The following PCDHA2 variants were observed in gnomAD, a reference collection of about 807,000 sequenced individuals.
The protein encoded by PCDHA2 is protocadherin alpha 2.
PCDHA2 carries 58 observed loss-of-function variants against 66.0 expected under a neutral mutation model. The ratio of observed to expected loss-of-function variants is 0.88; its 90% confidence interval spans 0.71 to 1.09. PCDHA2 has a LOEUF of 1.09. Ranked by LOEUF, PCDHA2 falls within the 50% of genes least tolerant of loss-of-function variation. The pLI, the probability that PCDHA2 is intolerant of heterozygous loss-of-function variation, is 0.00. For missense variants in PCDHA2, 1,267 were observed against 1,242.3 expected (o/e 1.02, Z -0.30); for synonymous variants, 634 against 554.0 (o/e 1.14, Z -2.03).
intron 1 of PCDHA2, chr5:140,803,122 C>A (rs1554122584): frequency 6.2e-7 from 1 of 1,613,804 alleles, no homozygotes; most frequent in Admixed American, 1.7e-5. Flanking sequence ...GAGGTGGACG[C>A]CCCGCGCCAT....
At chr5:140,966,488 C>A (rs1161799910) in intron 1 of PCDHA2, 8 of 440,132 alleles carry the variant, frequency 1.8e-5, no homozygotes, top group Admixed American at 8.7e-5. Flanking sequence ...TTTCCCTCCC[C>A]CTGGAGCTGT....
intron 1 of PCDHA2, among the ~76,000 whole-genome samples, chr5:140,950,286 C>G (rs2094469059): frequency 6.6e-6 from 1 of 151,924 alleles, no homozygotes; most frequent in Non-Finnish European, 1.5e-5. Flanking sequence ...TTGCTTCAAC[C>G]TGAAAAACTT....
At chr5:141,004,698 T>C (rs2098177351) in intron 3 of PCDHA2, among the ~76,000 whole-genome samples, 1 of 152,222 alleles carries the variant, frequency 6.6e-6, no homozygotes, top group East Asian at 1.9e-4. Context: ...AACCCAGTTT[T>C]AGGTGCCGAA....
intron 1 of PCDHA2, chr5:140,812,597 G>A (rs145623750): frequency 2.9e-4 from 44 of 151,406 alleles, no homozygotes; most frequent in African/African-American, 1.0e-3. Flanking sequence ...TTCATTTTTA[G>A]TGTAGGCATT....
intron 1 of PCDHA2, chr5:140,870,894 T>C (rs2052511877): frequency 1.2e-6 from 2 of 1,613,938 alleles, no homozygotes; most frequent in East Asian, 2.2e-5. Flanking sequence ...GCGCAGTGGA[T>C]GCGGACTCAG....
At chr5:140,989,619 TC>T (rs2097351060) in intron 3 of PCDHA2, among the ~76,000 whole-genome samples, 1 of 152,196 alleles carries the variant, frequency 6.6e-6, no homozygotes. Flanking sequence ...TGAAAGTCTG[TC>T]CTAGTGACAG....
chr5:140,889,067 C>T (rs1169049844), intron 1 of PCDHA2, among the ~76,000 whole-genome samples: 1 of 151,942 alleles, frequency 6.6e-6, no homozygotes, highest in Admixed American at 6.6e-5. Flanking sequence ...TAATATACTA[C>T]TTATTTTGTT....
chr5:140,999,125 G>A (rs1554256627), intron 3 of PCDHA2, among the ~76,000 whole-genome samples: 1 of 152,152 alleles, frequency 6.6e-6, no homozygotes, highest in Non-Finnish European at 1.5e-5. Context: ...TTCTAAGCTG[G>A]AAAATGTCAC....
rs1417352469 is a variant in PCDHA2 at position 140,875,131 on chromosome 5, G to A, written c.2388+77779G>A. ...AATATCATGTATATTAACTAAACCC[G>A]CATTTATAAATGATCCGTGAAAAAT... On this transcript the variant is annotated intron_variant, in intron 1 of 3. Coordinates refer to ENST00000526136, the MANE Select transcript of PCDHA2 (RefSeq NM_018905.3). Among the ~76,000 whole-genome samples, 5 of 152,228 alleles carry A rather than the reference G, an allele frequency of 3.3e-5. No individual in the cohort carries two copies. The East Asian group carries it at 9.6e-4, about 29-fold the overall frequency.
chr5:140,868,889 C>A, intron 1 of PCDHA2: 1 of 744,508 alleles, frequency 1.3e-6, no homozygotes, highest in Non-Finnish European at 2.1e-6. Flanking sequence ...CAGTTTTAGG[C>A]GCAAGGTGTC....
In PCDHA2 at chr5:140,867,382, C is replaced by T. The variant is rs1201158672; in HGVS notation, c.2388+70030C>T. ...TTTTACAGATGCGTAATGGAATTAA[C>T]GGTTATAAAAGTTGATATGTCTCCT... On this transcript the variant is annotated intron_variant, in intron 1 of 3. Coordinates refer to ENST00000526136, the MANE Select transcript of PCDHA2 (RefSeq NM_018905.3). The T allele has an allele frequency of 4.6e-5, 7 of 152,006 alleles. No individual in the cohort carries two copies. In the East Asian group the frequency reaches 7.7e-4, roughly 17 times the overall value. 9.4% of individuals were successfully genotyped at this position (152,006 alleles called of 1,614,324 possible).
At chr5:140,964,062 C>T (rs1257577051) in intron 1 of PCDHA2, among the ~76,000 whole-genome samples, 1 of 152,124 alleles carries the variant, frequency 6.6e-6, no homozygotes, top group Middle Eastern at 3.2e-3. Flanking sequence ...GTGGTCAAGG[C>T]ATTAGTGTTA....
At chr5:140,999,592 C>T (rs1443096475) in intron 3 of PCDHA2, among the ~76,000 whole-genome samples, 2 of 152,114 alleles carry the variant, frequency 1.3e-5, no homozygotes, top group Non-Finnish European at 2.9e-5. Flanking sequence ...ATTGCCTTCC[C>T]TACATCCTGG....
chr5:140,914,510 A>G (rs900880100), intron 1 of PCDHA2, among the ~76,000 whole-genome samples: 1 of 152,100 alleles, frequency 6.6e-6, no homozygotes, highest in Non-Finnish European at 1.5e-5. Context: ...TCATTGGGTC[A>G]TGTTTTTTCA....
intron 1 of PCDHA2, among the ~76,000 whole-genome samples, chr5:140,918,873 C>A (rs774088807): frequency 2.0e-5 from 3 of 152,166 alleles, no homozygotes; most frequent in Non-Finnish European, 4.4e-5. Flanking sequence ...AACTTTCAAG[C>A]CTCTAGAACA....
At chr5:140,927,123 C>T (rs2083865957) in intron 1 of PCDHA2, 1 of 1,613,986 alleles carries the variant, frequency 6.2e-7, no homozygotes, top group Non-Finnish European at 8.5e-7. Context: ...ATTTGGTGGT[C>T]AGAGAGCCGG....
intron 1 of PCDHA2, chr5:140,882,792 A>C (rs367665995): frequency 6.2e-7 from 1 of 1,614,144 alleles, no homozygotes; most frequent in Non-Finnish European, 8.5e-7. Flanking sequence ...CTGGATCCCA[A>C]CGATTATTTC....
Position 140,796,072 on chromosome 5 carries a change from G to A in PCDHA2, c.1108G>A (p.Ala370Thr). 6.2e-7 allele frequency: 1 copy of A among 1,614,198 alleles called. No individual in the cohort carries two copies. Among genetic ancestry groups the A allele is most frequent in the Non-Finnish European group, 8.5e-7 (1 of 1,180,054 alleles). Residue 370 changes from alanine to threonine, a missense_variant, in exon 1 of 4, where the codon GCT (alanine) becomes ACT (threonine). Transcript: ENST00000526136. ...SENASLGTVI[A>T]LITVSDRDSG... ...GAACGCTTCCCTGGGCACTGTCATT[G>A]CTCTCATCACGGTGTCGGATCGCGA...
rs782161037 is a variant in PCDHA2, at chr5:140,796,753, G to T, written c.1789G>T (p.Val597Leu). Residue 597 changes from valine to leucine, a missense_variant, in exon 1 of 4, where the codon GTG becomes TTG. Transcript: ENST00000526136. ...AGHVVAKVRA[V>L]DADSGYNAWL... ...GCACGTGGTGGCGAAGGTGCGCGCA[G>T]TGGACGCTGACTCAGGCTACAACGC... 3 of 1,614,156 alleles carry T rather than the reference G, an allele frequency of 1.9e-6. No individual in the cohort carries two copies. The Admixed American group carries it at 5.0e-5, about 27-fold the overall frequency.
Sources: allele counts gnomAD v4.1 joint callset (sites outside exome capture counted in the v4.1 genomes callset), GRCh38; gene constraint gnomAD v4.1.1; transcripts MANE v1.5; gene names NCBI Gene and HGNC (gene_info 2026-07-23, HGNC 2026-07-21).